SAMTOR: variants seen among roughly 807,000 people sequenced by gnomAD.
SAMTOR encodes the protein S-adenosylmethionine sensor upstream of mTORC1, also known as UPF0532 protein C7orf60.
chr7:112,859,437 T>C, the SAMTOR span, among the ~76,000 whole-genome samples: 3 of 152,224 alleles, frequency 2.0e-5, no homozygotes, highest in African/African-American at 7.2e-5. Context: ...CAGAATTATG[T>C]ACAGTATATA....
At chr7:112,829,634 A>G in the SAMTOR span, among the ~76,000 whole-genome samples, 1 of 152,184 alleles carries the variant, frequency 6.6e-6, no homozygotes, top group Non-Finnish European at 1.5e-5. Context: ...ATGGATTGCT[A>G]TAAATATTCC....
the SAMTOR span, among the ~76,000 whole-genome samples, chr7:112,938,959 A>G: frequency 1.3e-5 from 2 of 152,038 alleles, no homozygotes; most frequent in African/African-American, 4.8e-5. Flanking sequence ...GCCTAAATAA[A>G]CAGTTAAGAC....
the SAMTOR span, among the ~76,000 whole-genome samples, chr7:112,921,712 A>G: frequency 7.6e-6 from 1 of 131,660 alleles, no homozygotes; most frequent in African/African-American, 3.0e-5. Flanking sequence ...ACAAAGGGCT[A>G]ATATCCAGAA....
chr7:112,862,100 A>G, the SAMTOR span, among the ~76,000 whole-genome samples: 2 of 152,130 alleles, frequency 1.3e-5, no homozygotes, highest in East Asian at 1.9e-4. Flanking sequence ...TACAAAAAAT[A>G]AAAAATTAGG....
At chr7:112,827,452 GCTTTAA>G in the SAMTOR span, among the ~76,000 whole-genome samples, 1 of 152,036 alleles carries the variant, frequency 6.6e-6, no homozygotes, top group African/African-American at 2.4e-5. Flanking sequence ...TTCAGCAGTT[GCTTTAA>G]CTTATCAGTC....
the SAMTOR span, among the ~76,000 whole-genome samples, chr7:112,828,834 G>A: frequency 6.6e-6 from 1 of 152,070 alleles, no homozygotes; most frequent in Non-Finnish European, 1.5e-5. Flanking sequence ...GAAGAAAATC[G>A]ATTTCATCTT....
the SAMTOR span, among the ~76,000 whole-genome samples, chr7:112,914,115 G>T: frequency 6.6e-6 from 1 of 151,948 alleles, no homozygotes; most frequent in African/African-American, 2.4e-5. Context: ...ATTATTTGTT[G>T]AATGAATGAA....
At chr7:112,826,778 G>C in the SAMTOR span, among the ~76,000 whole-genome samples, 1 of 152,072 alleles carries the variant, frequency 6.6e-6, no homozygotes, top group African/African-American at 2.4e-5. Context: ...TGTGACTTTA[G>C]TGACATCTAT....
At chr7:112,822,100 T>C in the SAMTOR span, 4 of 1,613,726 alleles carry the variant, frequency 2.5e-6, no homozygotes, top group Non-Finnish European at 3.4e-6. Flanking sequence ...TTCATCATCA[T>C]AGCATGACGG....
At chr7:112,914,438 A>C in the SAMTOR span, among the ~76,000 whole-genome samples, 1 of 152,096 alleles carries the variant, frequency 6.6e-6, no homozygotes, top group South Asian at 2.1e-4. Context: ...AGTTTAGTCA[A>C]TATACTTATC....
At chr7:112,871,758 C>T in the SAMTOR span, among the ~76,000 whole-genome samples, 5 of 152,222 alleles carry the variant, frequency 3.3e-5, no homozygotes, top group African/African-American at 1.2e-4. Context: ...TAAACAAAGA[C>T]CACTAGTTAA....
the SAMTOR span, among the ~76,000 whole-genome samples, chr7:112,900,949 T>C: frequency 6.6e-6 from 1 of 152,166 alleles, no homozygotes; most frequent in East Asian, 1.9e-4. Context: ...AAAGGTAACA[T>C]AGGAGAAAAC....
the SAMTOR span, among the ~76,000 whole-genome samples, chr7:112,896,768 G>T: frequency 1.3e-5 from 2 of 152,026 alleles, no homozygotes; most frequent in South Asian, 4.1e-4. Context: ...GATAAACAAA[G>T]ATAGTTATTT....
At chr7:112,916,516 G>A in the SAMTOR span, among the ~76,000 whole-genome samples, 1 of 152,180 alleles carries the variant, frequency 6.6e-6, no homozygotes, top group Non-Finnish European at 1.5e-5. Flanking sequence ...CGTGACTGAA[G>A]CAGAAGACAG....
chr7:112,845,128 G>A, the SAMTOR span, among the ~76,000 whole-genome samples: 4 of 151,978 alleles, frequency 2.6e-5, no homozygotes, highest in Non-Finnish European at 4.4e-5. Flanking sequence ...AACTTAAAAC[G>A]ATAAAAACTT....
chr7:112,892,202 C>G, the SAMTOR span, among the ~76,000 whole-genome samples: 3 of 152,202 alleles, frequency 2.0e-5, no homozygotes, highest in Non-Finnish European at 4.4e-5. Flanking sequence ...CAAGTTTTAT[C>G]ATGAAATTGC....
chr7:112,838,836 C>T, the SAMTOR span, among the ~76,000 whole-genome samples: 1 of 151,588 alleles, frequency 6.6e-6, no homozygotes, highest in Non-Finnish European at 1.5e-5. Flanking sequence ...TTTTGTGTGT[C>T]TTGAAGAGCT....
the SAMTOR span, among the ~76,000 whole-genome samples, chr7:112,864,268 A>G: frequency 2.0e-5 from 3 of 152,184 alleles, no homozygotes; most frequent in Non-Finnish European, 2.9e-5. Context: ...GGATCAAGAA[A>G]AATAACTAAT....
chr7:112,864,029 G>T, the SAMTOR span, among the ~76,000 whole-genome samples: 2 of 152,304 alleles, frequency 1.3e-5, no homozygotes, highest in South Asian at 4.1e-4. Flanking sequence ...ACTGGATAAA[G>T]AAAATGTGGT....
Sources: gnomAD v4.1 joint callset for allele counts (sites outside exome capture counted in the v4.1 genomes callset) on GRCh38, gnomAD v4.1.1 for gene constraint, MANE v1.5 for transcripts, NCBI Gene and HGNC (gene_info 2026-07-23, HGNC 2026-07-21) for gene names.